Variants in FAR2 observed in about 807,000 individuals in gnomAD.
FAR2 encodes the protein epididymis secretory protein Li 81.
In FAR2, 19 loss-of-function variants were observed where a neutral mutation model predicts 56.0. The ratio of observed to expected loss-of-function variants is 0.34; its 90% CI spans 0.24 to 0.50. The LOEUF (loss-of-function observed/expected upper bound fraction) is 0.50, where lower values mean the gene tolerates loss of function less well. FAR2 is among the 20% of genes least tolerant of loss of function. The pLI is 0.98. For missense variants in FAR2, 508 were observed against 642.2 expected, an observed-to-expected ratio of 0.79 and a Z score of 2.26; for synonymous variants, 219 against 218.8, an observed-to-expected ratio of 1.00 and a Z score of -0.01.
At chr12:29,208,627 C>G (rs1591852507) in intron 1 of FAR2, among the ~76,000 whole-genome samples, 1 of 152,134 alleles carries the variant, frequency 6.6e-6, no homozygotes, top group South Asian at 2.1e-4. Flanking sequence ...TATTAAAACT[C>G]TGGTCTTGAG....
At chr12:29,277,918 T>C (rs1948726147) in intron 2 of FAR2, 2 of 148,340 alleles carry the variant, frequency 1.3e-5, no homozygotes, top group Non-Finnish European at 3.0e-5. Context: ...CATTCATTTG[T>C]ACATATTTTC....
intron 10 of FAR2, among the ~76,000 whole-genome samples, chr12:29,330,715 T>A (rs1949719122): frequency 6.6e-6 from 1 of 152,186 alleles, no homozygotes; most frequent in Non-Finnish European, 1.5e-5. Context: ...AATTTATGAA[T>A]TAAACCCAAG....
intron 10 of FAR2, among the ~76,000 whole-genome samples, chr12:29,331,033 C>A (rs1423102534): frequency 6.6e-6 from 1 of 152,092 alleles, no homozygotes; most frequent in African/African-American, 2.4e-5. Context: ...TATTGAATGT[C>A]TACTTTGTGC....
intron 2 of FAR2, among the ~76,000 whole-genome samples, chr12:29,272,163 T>C (rs1948629628): frequency 6.6e-6 from 1 of 152,212 alleles, no homozygotes; most frequent in African/African-American, 2.4e-5. Context: ...TTTTCCTGAA[T>C]TTGCGTGTTG....
intron 4 of FAR2, among the ~76,000 whole-genome samples, chr12:29,305,246 G>A (rs1026314310): frequency 1.3e-5 from 2 of 151,986 alleles, no homozygotes; most frequent in Non-Finnish European, 2.9e-5. Flanking sequence ...CAATCCTCCT[G>A]CCTCAGCCTC....
At chr12:29,213,811 C>T (rs1337794701) in intron 1 of FAR2, among the ~76,000 whole-genome samples, 1 of 152,170 alleles carries the variant, frequency 6.6e-6, no homozygotes, top group Admixed American at 6.5e-5. Context: ...CATCTCCATC[C>T]TTCATGCTTT....
Position 29,270,465 on chromosome 12 carries a change from G to A in FAR2, c.16G>A (p.Ala6Thr), listed in dbSNP as rs1948596726. Residue 6 changes from alanine to threonine, a missense_variant, in exon 2 of 12, where the codon GCT becomes ACT. Physicochemically the swap from Ala to Thr is moderately conservative, Grantham distance 58 (BLOSUM62 0). Transcript: ENST00000536681. ...GGGAGGAATCATGTCCACAATTGCA[G>A]CTTTCTATGGCGGCAAGTCCATTCT... MSTIA[A>T]FYGGKSILIT... 1 of 1,588,126 alleles carries A rather than the reference G, an allele frequency of 6.3e-7. No individual in the cohort carries two copies. Among genetic ancestry groups the A allele is most frequent in the South Asian group, 1.1e-5 (1 of 88,448 alleles).
At chr12:29,202,486 T>TA (rs1482215773) in intron 1 of FAR2, among the ~76,000 whole-genome samples, 13 of 152,150 alleles carry the variant, frequency 8.5e-5, no homozygotes, top group Admixed American at 6.5e-4. Context: ...TCCTTGCTAT[T>TA]AAAAAACAAG....
chr12:29,165,211 C>T (rs1949814566), intron 1 of FAR2, among the ~76,000 whole-genome samples: 1 of 152,054 alleles, frequency 6.6e-6, no homozygotes, highest in Non-Finnish European at 1.5e-5. Context: ...TTCAAGTTTG[C>T]AACCATTCAA....
chr12:29,149,606 C>A lies in FAR2; in HGVS notation c.-39+199C>A, dbSNP rs183579769. Reference sequence around the variant, plus strand: ...GCGGAGGCTCTGCCCCCTGAAGCTGCCCCCGGCTGCACCCCAATCGTCACC... The same window carrying A: ...GCGGAGGCTCTGCCCCCTGAAGCTGACCCCGGCTGCACCCCAATCGTCACC... On this transcript the variant is annotated intron_variant, in intron 1 of 11. Transcript: ENST00000536681. Among the ~76,000 whole-genome samples, 195 of 152,370 alleles carry A rather than the reference C, an allele frequency of 1.3e-3. 2 individuals carry two copies. In the East Asian group the frequency reaches 0.033, roughly 26 times the overall value.
intron 1 of FAR2, among the ~76,000 whole-genome samples, chr12:29,172,392 A>G (rs1229419872): frequency 1.3e-5 from 2 of 152,234 alleles, no homozygotes; most frequent in Non-Finnish European, 2.9e-5. Flanking sequence ...AGTTTAAAAA[A>G]AAAATAAAGT....
At chr12:29,320,377 T>C (rs1013889506) in intron 9 of FAR2, among the ~76,000 whole-genome samples, 5 of 152,222 alleles carry the variant, frequency 3.3e-5, no homozygotes, top group Non-Finnish European at 2.9e-5. Flanking sequence ...AGTTGGAGAA[T>C]GACTAAAGAT....
At chr12:29,284,225 T>C (rs548211794) in intron 2 of FAR2, among the ~76,000 whole-genome samples, 70 of 152,346 alleles carry the variant, frequency 4.6e-4, no homozygotes, top group Non-Finnish European at 7.9e-4. Context: ...AAATGTATCA[T>C]TGAGATAATA....
At chr12:29,159,267 G>A (rs546384128) in intron 1 of FAR2, among the ~76,000 whole-genome samples, 8 of 152,120 alleles carry the variant, frequency 5.3e-5, no homozygotes, top group South Asian at 2.1e-4. Context: ...GGCCGGGCAC[G>A]GTGGCTCATG....
chr12:29,183,678 A>G (rs754216618), intron 1 of FAR2, among the ~76,000 whole-genome samples: 2 of 152,254 alleles, frequency 1.3e-5, no homozygotes, highest in South Asian at 2.1e-4. Context: ...CATTTGAAAT[A>G]TGGCTATAGT....
chr12:29,246,438 T>C (rs1228289931), intron 1 of FAR2, among the ~76,000 whole-genome samples: 1 of 140,800 alleles, frequency 7.1e-6, no homozygotes, highest in Non-Finnish European at 1.6e-5. Context: ...AGACTTGGAA[T>C]TCTTCTGTCT....
At chr12:29,299,274 T>C (rs1949121892) in intron 4 of FAR2, among the ~76,000 whole-genome samples, 1 of 147,910 alleles carries the variant, frequency 6.8e-6, no homozygotes, top group African/African-American at 2.5e-5. Flanking sequence ...AGTTCACCCA[T>C]AGTGAAGGGC....
At chr12:29,266,083 A>ATGTT (rs1565495895) in intron 1 of FAR2, among the ~76,000 whole-genome samples, 1 of 152,200 alleles carries the variant, frequency 6.6e-6, no homozygotes, top group Non-Finnish European at 1.5e-5. Flanking sequence ...ACATTAGTAC[A>ATGTT]ATCACTACAG....
intron 1 of FAR2, among the ~76,000 whole-genome samples, chr12:29,193,210 T>C (rs1226637200): frequency 6.6e-6 from 1 of 152,152 alleles, no homozygotes; most frequent in Non-Finnish European, 1.5e-5. Context: ...ACAAGAGTGG[T>C]ATATTTGTTA....
Sources: gnomAD v4.1 joint callset for allele counts (sites outside exome capture counted in the v4.1 genomes callset) on GRCh38, gnomAD v4.1.1 for gene constraint, MANE v1.5 for transcripts, NCBI Gene and HGNC (gene_info 2026-07-23, HGNC 2026-07-21) for gene names.